CNTNAP2: variants seen among roughly 807,000 people sequenced by gnomAD.
CNTNAP2 encodes the protein contactin associated protein 2.
In CNTNAP2, 98 loss-of-function variants were observed where a neutral mutation model predicts 155.2. The observed-to-expected ratio is 0.63, with a 90% CI of 0.54 to 0.75. CNTNAP2 has a LOEUF of 0.75. CNTNAP2 is among the 30% of genes least tolerant of loss of function. CNTNAP2 has a pLI of 0.00. For missense variants in CNTNAP2, 1,727 were observed against 1,688.1 expected (o/e 1.02, Z -0.40); for synonymous variants, 651 against 631.2 (o/e 1.03, Z -0.47).
intron 1 of CNTNAP2, among the ~76,000 whole-genome samples, chr7:146,622,110 G>A (rs71530748): frequency 0.041 from 5,841 of 141,078 alleles, 179 homozygotes; most frequent in Non-Finnish European, 0.064. Context: ...ATTACAACTT[G>A]CATCACTGTT....
intron 13 of CNTNAP2, among the ~76,000 whole-genome samples, chr7:147,685,656 TA>T (rs928977292): frequency 1.3e-5 from 2 of 151,178 alleles, no homozygotes; most frequent in African/African-American, 2.4e-5. Flanking sequence ...ACAGGGGGAA[TA>T]AAAAAACAGA....
At chr7:146,926,605 C>T (rs774297468) in intron 3 of CNTNAP2, among the ~76,000 whole-genome samples, 17 of 152,034 alleles carry the variant, frequency 1.1e-4, no homozygotes, top group Non-Finnish European at 2.1e-4. Context: ...ATTACCCAGG[C>T]TTGTGATCTC....
At chr7:146,874,618 C>T (rs140019390) in intron 3 of CNTNAP2, among the ~76,000 whole-genome samples, 10 of 152,248 alleles carry the variant, frequency 6.6e-5, no homozygotes, top group African/African-American at 2.2e-4. Context: ...GGATTACAGG[C>T]GTGAGCCACC....
chr7:147,869,466 T>C (rs1316366569), intron 13 of CNTNAP2, among the ~76,000 whole-genome samples: 1 of 152,148 alleles, frequency 6.6e-6, no homozygotes, highest in Non-Finnish European at 1.5e-5. Flanking sequence ...GTACAACTAC[T>C]GAAAAAGCCA....
At chr7:147,441,194 G>T (rs1345400384) in intron 10 of CNTNAP2, among the ~76,000 whole-genome samples, 1 of 151,798 alleles carries the variant, frequency 6.6e-6, no homozygotes, top group Non-Finnish European at 1.5e-5. Flanking sequence ...CAAACAGCCT[G>T]TTTTTAAGCT....
chr7:146,505,733 A>G (rs1797374627), intron 1 of CNTNAP2, among the ~76,000 whole-genome samples: 1 of 152,192 alleles, frequency 6.6e-6, no homozygotes, highest in Non-Finnish European at 1.5e-5. Flanking sequence ...GCCTTTACAG[A>G]CATTGGGGCA....
At chr7:146,503,880 G>T (rs764101507) in intron 1 of CNTNAP2, among the ~76,000 whole-genome samples, 1 of 152,124 alleles carries the variant, frequency 6.6e-6, no homozygotes, top group Non-Finnish European at 1.5e-5. Flanking sequence ...GGTGGCAGGT[G>T]GCTAAAAGAA....
At chr7:146,894,201 A>G (rs1160785230) in intron 3 of CNTNAP2, among the ~76,000 whole-genome samples, 1 of 152,214 alleles carries the variant, frequency 6.6e-6, no homozygotes, top group Non-Finnish European at 1.5e-5. Context: ...CGTAAAGGAA[A>G]CAATATATTC....
At position 147,121,116 on chromosome 7, in the gene CNTNAP2, C is replaced by T. The variant is rs1563083883; in HGVS notation, c.892C>T (p.His298Tyr). 5 of 1,614,136 alleles carry T rather than the reference C, an allele frequency of 3.1e-6. No homozygotes were observed. The highest frequency in any genetic ancestry group is 4.2e-6 in the Non-Finnish European group (5 of 1,180,004). The change falls in exon 6 of 24, where the codon CAC (histidine) becomes TAC (tyrosine). Residue 298 changes from histidine to tyrosine, a missense_variant. His to Tyr is a moderately conservative substitution (Grantham distance 83). Coordinates refer to ENST00000361727, the MANE Select transcript of CNTNAP2 (RefSeq NM_014141.6). ...CCTCACTCTGGACAGGAGCATGCAG[C>T]ACTTCCGTACCAATGGAGAGTTTGA... ...INLTLDRSMQ[H>Y]FRTNGEFDYL... is the part of the protein sequence containing the mutation.
At chr7:146,398,386 G>C (rs1277009503) in intron 1 of CNTNAP2, among the ~76,000 whole-genome samples, 1 of 151,792 alleles carries the variant, frequency 6.6e-6, no homozygotes, top group Non-Finnish European at 1.5e-5. Flanking sequence ...AGAGCGAAGG[G>C]GGAAGCCCCT....
intron 8 of CNTNAP2, 116 bp downstream of exon 8, chr7:147,132,625 A>G: frequency 7.3e-7 from 1 of 1,360,702 alleles, no homozygotes; most frequent in African/African-American, 1.4e-5. Flanking sequence ...TTTAATTCAG[A>G]TCTTCAAGAC....
chr7:146,238,956 C>G (rs1358340652), intron 1 of CNTNAP2, among the ~76,000 whole-genome samples: 2 of 152,180 alleles, frequency 1.3e-5, no homozygotes, highest in African/African-American at 4.8e-5. Flanking sequence ...CACCTGGTCT[C>G]TCCCTTGACA....
intron 3 of CNTNAP2, among the ~76,000 whole-genome samples, chr7:146,914,631 CT>C (rs1197914785): frequency 6.6e-6 from 1 of 151,920 alleles, no homozygotes; most frequent in African/African-American, 2.4e-5. Context: ...CCTTAGCTCA[CT>C]TTTTGGTGGG....
chr7:146,604,329 A>G, intron 1 of CNTNAP2, among the ~76,000 whole-genome samples: 1 of 126,682 alleles, frequency 7.9e-6, no homozygotes, highest in Admixed American at 7.7e-5. Context: ...AAAAATGCTC[A>G]TCATCACTGG....
chr7:146,689,402 A>G (rs987502940), intron 1 of CNTNAP2, among the ~76,000 whole-genome samples: 8 of 152,188 alleles, frequency 5.3e-5, no homozygotes, highest in African/African-American at 1.9e-4. Flanking sequence ...GAGATCATCC[A>G]GGGTAGGAGC....
intron 21 of CNTNAP2, among the ~76,000 whole-genome samples, chr7:148,268,895 G>A (rs1796724100): frequency 6.6e-6 from 1 of 151,840 alleles, no homozygotes; most frequent in Non-Finnish European, 1.5e-5. Flanking sequence ...AGACACCAAG[G>A]GAGCTCTTTA....
chr7:147,264,324 T>G (rs1216298221), intron 8 of CNTNAP2, among the ~76,000 whole-genome samples: 1 of 152,136 alleles, frequency 6.6e-6, no homozygotes, highest in Non-Finnish European at 1.5e-5. Context: ...ATTTATTTAT[T>G]GTGGGAAGTA....
At chr7:148,070,653 G>T (rs1310397938) in intron 15 of CNTNAP2, among the ~76,000 whole-genome samples, 1 of 151,754 alleles carries the variant, frequency 6.6e-6, no homozygotes, top group Non-Finnish European at 1.5e-5. Flanking sequence ...AGGAGGCAAA[G>T]GTTGCAGTGA....
chr7:148,349,405 CTCTT>C (rs1798381440), intron 21 of CNTNAP2, among the ~76,000 whole-genome samples: 2 of 135,634 alleles, frequency 1.5e-5, no homozygotes, highest in African/African-American at 5.6e-5. Context: ...AAAAAAATCT[CTCTT>C]TTTTTTTTTT....
Sources: allele counts gnomAD v4.1 joint callset (sites outside exome capture counted in the v4.1 genomes callset), GRCh38; gene constraint gnomAD v4.1.1; transcripts MANE v1.5; gene names NCBI Gene and HGNC (gene_info 2026-07-23, HGNC 2026-07-21).